Variants in SLC8A1 observed in about 807,000 individuals in gnomAD.
SLC8A1 encodes the protein solute carrier family 8 member A1.
SLC8A1 carries 18 observed loss-of-function variants against 68.3 expected under a neutral mutation model. That is an observed-to-expected ratio of 0.26 (90% CI 0.18 to 0.39). The LOEUF is 0.39. SLC8A1 is among the 10% of genes least tolerant of loss of function. The probability of loss-of-function intolerance (pLI) is 1.00; values close to 1 mark genes in which losing one functional copy is unlikely to be tolerated. For missense variants in SLC8A1, 985 were observed against 1,156.7 expected (o/e 0.85, Z 2.15); for synonymous variants, 475 against 415.5 (o/e 1.14, Z -1.74).
chr2:40,206,454 GT>G (rs1443110957), intron 2 of SLC8A1, among the ~76,000 whole-genome samples: 1 of 151,970 alleles, frequency 6.6e-6, no homozygotes. Flanking sequence ...TTAAATGAAA[GT>G]TTTCAGGCAG....
chr2:40,224,073 C>T (rs1424444395), intron 2 of SLC8A1, among the ~76,000 whole-genome samples: 2 of 152,102 alleles, frequency 1.3e-5, no homozygotes, highest in African/African-American at 2.4e-5. Flanking sequence ...ATTAAAAGGC[C>T]TGGAATGTTC....
In SLC8A1 at chr2:40,235,584, G is replaced by A. The variant is rs1363365402; in HGVS notation, c.1809-57729C>T. Among the ~76,000 whole-genome samples, 12 of 151,868 alleles carry A rather than the reference G, an allele frequency of 7.9e-5. No homozygotes were observed. In the South Asian group the frequency reaches 2.5e-3, roughly 32 times the overall value. ...TTCATTAATTTTTTGAAGGGTTTTT[G>A]GTGTCTCTATTTCCTTCAGTTCTGC... On this transcript the variant is annotated intron_variant, in intron 2 of 7. Coordinates refer to ENST00000406785, the Ensembl canonical transcript of SLC8A1.
At chr2:40,358,902 A>T (rs957686492) in intron 2 of SLC8A1, among the ~76,000 whole-genome samples, 1 of 152,192 alleles carries the variant, frequency 6.6e-6, no homozygotes, top group Non-Finnish European at 1.5e-5. Context: ...AAAAACAGGG[A>T]TGTAGGAAGG....
chr2:40,302,541 T>C (rs1307339056), intron 2 of SLC8A1, among the ~76,000 whole-genome samples: 2 of 148,732 alleles, frequency 1.3e-5, no homozygotes, highest in African/African-American at 2.5e-5. Flanking sequence ...TTTACACACA[T>C]ATCATATATA....
intron 2 of SLC8A1, among the ~76,000 whole-genome samples, chr2:40,235,811 G>A (rs1429752877): frequency 1.1e-3 from 169 of 148,466 alleles, no homozygotes; most frequent in Admixed American, 1.8e-3. Context: ...CTTTGTTCTC[G>A]TTGGTTTCAA....
At chr2:40,157,497 T>A (rs1375204579) in intron 6 of SLC8A1, among the ~76,000 whole-genome samples, 2 of 152,186 alleles carry the variant, frequency 1.3e-5, no homozygotes, top group Admixed American at 6.5e-5. Context: ...ATATGGTGGT[T>A]GTGGAACTGG....
intron 2 of SLC8A1, among the ~76,000 whole-genome samples, chr2:40,353,238 T>C (rs1449779226): frequency 6.6e-6 from 1 of 152,178 alleles, no homozygotes; most frequent in East Asian, 1.9e-4. Context: ...AAATATGTGC[T>C]TGCTGTCATA....
chr2:40,233,802 G>C (rs1425949951), intron 2 of SLC8A1, among the ~76,000 whole-genome samples: 3 of 151,832 alleles, frequency 2.0e-5, no homozygotes, highest in Non-Finnish European at 4.4e-5. Context: ...TCCAGTTTCA[G>C]CTTTCTACAT....
At chr2:40,173,697 T>C (rs2047954888) in intron 4 of SLC8A1, among the ~76,000 whole-genome samples, 1 of 147,478 alleles carries the variant, frequency 6.8e-6, no homozygotes, top group Non-Finnish European at 1.5e-5. Flanking sequence ...CTAAATATTT[T>C]TGTTCAGATC....
chr2:40,342,099 A>C (rs1244811203), intron 2 of SLC8A1, among the ~76,000 whole-genome samples: 1 of 152,160 alleles, frequency 6.6e-6, no homozygotes, highest in Non-Finnish European at 1.5e-5. Context: ...TCCAAGAGTT[A>C]GTAAAGTTTC....
intron 2 of SLC8A1, among the ~76,000 whole-genome samples, chr2:40,240,212 G>A (rs1400132507): frequency 6.6e-6 from 1 of 152,206 alleles, no homozygotes; most frequent in African/African-American, 2.4e-5. Context: ...GATACAGAGA[G>A]TACTTATTAT....
intron 2 of SLC8A1, among the ~76,000 whole-genome samples, chr2:40,330,977 A>G (rs1235410632): frequency 1.3e-5 from 2 of 152,232 alleles, no homozygotes; most frequent in Non-Finnish European, 2.9e-5. Context: ...TCAAAAGACA[A>G]TAAATACTTT....
At chr2:40,203,007 C>G (rs1005459734) in intron 2 of SLC8A1, among the ~76,000 whole-genome samples, 2 of 151,984 alleles carry the variant, frequency 1.3e-5, no homozygotes, top group African/African-American at 4.8e-5. Context: ...AACTCAGTGA[C>G]TCTACAGCCA....
chr2:40,134,112 G>T (rs1316681124), intron 7 of SLC8A1, among the ~76,000 whole-genome samples: 2 of 132,168 alleles, frequency 1.5e-5, no homozygotes, highest in Non-Finnish European at 3.3e-5. Flanking sequence ...TTTTTTTTGA[G>T]ATGGAATCTT....
chr2:40,248,133 CT>C (rs1380713565), intron 2 of SLC8A1, among the ~76,000 whole-genome samples: 3 of 152,120 alleles, frequency 2.0e-5, no homozygotes, highest in African/African-American at 7.2e-5. Context: ...AATTTCTACA[CT>C]TTTGATGACA....
chr2:40,180,172 T>C lies in SLC8A1; in HGVS notation c.1809-2317A>G, dbSNP rs115515150. Among the ~76,000 whole-genome samples the C allele has an allele frequency of 3.2e-3, 481 of 152,306 alleles. 3 individuals are homozygous for C. Among genetic ancestry groups the C allele is most frequent in the African/African-American group, 0.011 (468 of 41,572 alleles). ...TACCAACAGTATGATAATGTCCAGTTACATGTATACTGTAAACAGCTCCTT... is the reference window on the plus strand; with the variant it reads ...TACCAACAGTATGATAATGTCCAGTCACATGTATACTGTAAACAGCTCCTT... On this transcript the variant is annotated intron_variant, in intron 2 of 7. Transcript: ENST00000406785.
At chr2:40,185,174 T>C (rs1250092366) in intron 2 of SLC8A1, among the ~76,000 whole-genome samples, 2 of 152,168 alleles carry the variant, frequency 1.3e-5, no homozygotes, top group African/African-American at 4.8e-5. Context: ...TGTAAAATAA[T>C]GCAGCCACTT....
intron 2 of SLC8A1, among the ~76,000 whole-genome samples, chr2:40,325,863 ATTTC>A (rs1385259650): frequency 6.7e-6 from 1 of 149,980 alleles, no homozygotes; most frequent in East Asian, 2.0e-4. Flanking sequence ...GATATTCGAT[ATTTC>A]TTTAAGTTTC....
At chr2:40,215,397 G>T (rs10167744) in intron 2 of SLC8A1, among the ~76,000 whole-genome samples, 1 of 151,912 alleles carries the variant, frequency 6.6e-6, no homozygotes, top group Non-Finnish European at 1.5e-5. Context: ...CAGCACTTTG[G>T]GAGGCCGAGG....
Sources: gnomAD v4.1 joint callset for allele counts (sites outside exome capture counted in the v4.1 genomes callset) on GRCh38, gnomAD v4.1.1 for gene constraint, MANE v1.5 for transcripts, NCBI Gene and HGNC (gene_info 2026-07-23, HGNC 2026-07-21) for gene names.